DNAH10: variants seen among roughly 807,000 people sequenced by gnomAD.
The protein encoded by DNAH10 is axonemal beta dynein heavy chain 10.
DNAH10 carries 348 observed loss-of-function variants against 506.6 expected under a neutral mutation model. That is an observed-to-expected ratio of 0.69 (90% confidence interval 0.63 to 0.75). The LOEUF (loss-of-function observed/expected upper bound fraction) is 0.75. DNAH10 is among the 30% of genes least tolerant of loss of function. The probability of loss-of-function intolerance (pLI) is 0.00; values close to 1 mark genes in which losing one functional copy is unlikely to be tolerated. For missense variants in DNAH10, 5,179 were observed against 5,787.1 expected (o/e 0.89, Z 3.41); for synonymous variants, 2,059 against 2,198.6 (o/e 0.94, Z 1.78).
In DNAH10 at chr12:123,863,921, A is replaced by G. The variant is rs142502759; in HGVS notation, c.6909-674A>G. Among the ~76,000 whole-genome samples, 133 of 152,286 alleles carry G rather than the reference A, an allele frequency of 8.7e-4. 1 individual carries two copies. The highest frequency in any genetic ancestry group is 3.1e-3 in the African/African-American group (128 of 41,556). Reference sequence around the variant, plus strand: ...TAAATAGCAATTGATACTCAGCCTCAGATGTAAGAGAAGAATGAGGTAGGA... The same window carrying G: ...TAAATAGCAATTGATACTCAGCCTCGGATGTAAGAGAAGAATGAGGTAGGA... On this transcript the variant is annotated intron_variant, in intron 39 of 78. Coordinates refer to ENST00000673944, the MANE Select transcript of DNAH10 (RefSeq NM_001372106.1).
intron 54 of DNAH10, among the ~76,000 whole-genome samples, chr12:123,895,320 G>C (rs1953170692): frequency 6.6e-6 from 1 of 152,200 alleles, no homozygotes; most frequent in Admixed American, 6.5e-5. Flanking sequence ...GACCTAACTT[G>C]AGCAGATTTA....
chr12:123,787,941 G>T lies in DNAH10; in HGVS notation c.1559G>T (p.Arg520Leu). 1 of 1,601,804 alleles carries T rather than the reference G, an allele frequency of 6.2e-7. No individual in the cohort carries two copies. The highest frequency in any genetic ancestry group is 8.5e-7 in the Non-Finnish European group (1 of 1,174,434). The change falls in exon 10 of 79, where the codon CGG becomes CTG. Residue 520 changes from arginine (R) to leucine (L), a missense_variant. By Grantham distance (102) the Arg-to-Leu change is moderately radical. Coordinates refer to ENST00000673944, the MANE Select transcript of DNAH10 (RefSeq NM_001372106.1). This position sits in a 1 kb window ranked among gnomAD's most constrained non-coding sequence, Gnocchi z 4.6. The part of the protein sequence containing the change: ...REDRWEFDRK[R>L]LFERTDYMAT... Reference sequence around the variant, plus strand: ...GATCGGTGGGAGTTTGACCGGAAGCGGCTGTTCGAGAGGACGGATTATATG... The same window carrying T: ...GATCGGTGGGAGTTTGACCGGAAGCTGCTGTTCGAGAGGACGGATTATATG...
intron 69 of DNAH10, chr12:123,927,056 T>C (rs1240346580): frequency 2.2e-5 from 12 of 545,614 alleles, no homozygotes. Context: ...TTTTCTTTTC[T>C]TTTTGAGACA....
Position 123,841,468 on chromosome 12 carries a change from A to C in DNAH10, c.5283A>C (p.Ala1761=). The change falls in exon 30 of 79, where the codon GCA becomes GCC. Residue 1761 remains alanine, a synonymous_variant. Transcript: ENST00000673944. ...GGCGCGTGGAGGACTGGATGACGGC[A>C]GTTTTGAATGAGATGAGAAGAACTA... is the stretch of plus-strand genomic sequence containing the variant. The part of the protein sequence containing the change: ...AEGRVEDWMT[A]VLNEMRRTNR... The C allele has an allele frequency of 8.1e-6, 13 of 1,614,000 alleles. No individual in the cohort carries two copies. Among genetic ancestry groups the C allele is most frequent in the Non-Finnish European group, 1.1e-5 (13 of 1,179,894 alleles).
At chr12:123,781,832 A>G (rs980950035) in intron 6 of DNAH10, among the ~76,000 whole-genome samples, 1 of 152,142 alleles carries the variant, frequency 6.6e-6, no homozygotes, top group Non-Finnish European at 1.5e-5. Context: ...GTGATGAGAA[A>G]CTGAATGTTC....
chr12:123,931,785 G>A lies in DNAH10; in HGVS notation c.13066G>A (p.Glu4356Lys). The A allele has an allele frequency of 4.3e-6, 7 of 1,614,036 alleles. No individual in the cohort carries two copies. Among genetic ancestry groups the A allele is most frequent in the Non-Finnish European group, 5.9e-6 (7 of 1,179,896 alleles). Reference sequence around the variant, plus strand: ...CCCCACTTCGGTGGTGCTCCTGCAGGAACTGGAACGCTTCAACAAGCTTGT... The same window carrying A: ...CCCCACTTCGGTGGTGCTCCTGCAGAAACTGGAACGCTTCAACAAGCTTGT... Reference protein sequence around the residue: ...LSPTSVVLLQELERFNKLVVR... With the variant: ...LSPTSVVLLQKLERFNKLVVR... Residue 4356 changes from glutamate (E) to lysine (K), a missense_variant, in exon 75 of 79, where the codon GAA (glutamate) becomes AAA (lysine). Around this residue, in one of 3 missense-constraint regions of DNAH10, gnomAD observed 4,844 missense variants for 5,430.5 expected, o/e 0.89. Coordinates refer to ENST00000673944, the MANE Select transcript of DNAH10 (RefSeq NM_001372106.1).
chr12:123,766,908 C>CT (rs374930458), intron 1 of DNAH10, among the ~76,000 whole-genome samples: 2,917 of 137,834 alleles, frequency 0.021, 82 homozygotes, highest in African/African-American at 0.06. Flanking sequence ...TTTCTTTTTT[C>CT]TTTTTTTTTT....
chr12:123,818,873 G>T, intron 21 of DNAH10, 77 bp from the exon 22 acceptor site: 1 of 983,536 alleles, frequency 1.0e-6, no homozygotes, highest in Non-Finnish European at 1.6e-6. Context: ...TCCCTGGGAG[G>T]TAACTTTGAC....
intron 77 of DNAH10, chr12:123,934,388 C>T (rs1026646633): frequency 1.8e-5 from 12 of 663,078 alleles, no homozygotes; most frequent in Admixed American, 1.8e-4. Flanking sequence ...CCGCCCCACA[C>T]CCATTTCTCT....
chr12:123,816,333 C>T (rs536365154), intron 21 of DNAH10, among the ~76,000 whole-genome samples: 1 of 152,254 alleles, frequency 6.6e-6, no homozygotes, highest in South Asian at 2.1e-4. Flanking sequence ...ATCTTTGCCA[C>T]CCTTGGGGAG....
Position 123,909,149 on chromosome 12 carries a change from A to G in DNAH10, c.9816-112A>G. On this transcript the variant is annotated intron_variant, in intron 57 of 78. Transcript: ENST00000673944. This position sits in a 1 kb window ranked among gnomAD's most constrained non-coding sequence, Gnocchi z 5.4. ...CTGGCTTCTTTCGTTTGCTTGCAGC[A>G]GTAGCTCCAGGGACTGTCTTTTGGT... is the stretch of plus-strand genomic sequence containing the variant. 7.2e-7 allele frequency: 1 copy of G among 1,387,328 alleles called. No individual in the cohort carries two copies. Among genetic ancestry groups the G allele is most frequent in the Non-Finnish European group, 9.8e-7 (1 of 1,015,666 alleles). The allele number at this position is 1,387,328 out of a possible 1,614,324, so 85.9% of individuals were successfully genotyped here.
Position 123,919,733 on chromosome 12 carries a change from T to C in DNAH10, c.11506+784T>C, listed in dbSNP as rs1021537080. Among the ~76,000 whole-genome samples, 2 of 152,238 alleles carry C rather than the reference T, an allele frequency of 1.3e-5. No homozygotes were observed. The highest frequency in any genetic ancestry group is 1.3e-4 in the Admixed American group (2 of 15,284). ...ATACGGTGTGTGACTTCATGACTGG[T>C]ATCTTTCACTCCACTCCGTGACCTC... On this transcript the variant is annotated intron_variant, in intron 65 of 78. Transcript: ENST00000673944. The surrounding 1 kb of genome is among the most constrained non-coding windows in gnomAD (Gnocchi z 4.9).
chr12:123,859,203 G>A lies in DNAH10; in HGVS notation c.6684G>A (p.Met2228Ile). ...FETMLTRHTTMVVGPTRGGKS... is the reference protein window; with the variant it reads ...FETMLTRHTTIVVGPTRGGKS... ...CCATGTTAACCCGCCACACGACGAT[G>A]GTGGTGGGGCCCACCAGAGGGGGCA... The change falls in exon 38 of 79, where the codon ATG (methionine) becomes ATA (isoleucine). Residue 2228 changes from methionine to isoleucine, a missense_variant. By Grantham distance (10) the Met-to-Ile change is conservative. Around this residue, in one of 3 missense-constraint regions of DNAH10, gnomAD observed 4,844 missense variants for 5,430.5 expected, o/e 0.89. Transcript: ENST00000673944. 6.2e-7 allele frequency: 1 copy of A among 1,612,266 alleles called. No individual in the cohort carries two copies. Among genetic ancestry groups the A allele is most frequent in the Middle Eastern group, 1.7e-4 (1 of 6,058 alleles).
intron 18 of DNAH10, among the ~76,000 whole-genome samples, chr12:123,805,671 G>A (rs968058254): frequency 2.0e-5 from 3 of 152,030 alleles, no homozygotes; most frequent in African/African-American, 7.2e-5. Context: ...GTCAAGAGTA[G>A]TGTTCATTTT....
chr12:123,785,637 A>C lies in DNAH10; in HGVS notation c.1231-109A>C, dbSNP rs1165074818. ...CTGGGCACCAGACTTGGTCTCAAGGAAAAAAAAAAAAAAAAAAGAGTGAAA... is the reference window on the plus strand; with the variant it reads ...CTGGGCACCAGACTTGGTCTCAAGGCAAAAAAAAAAAAAAAAAGAGTGAAA... On this transcript the variant is annotated intron_variant, in intron 8 of 78. Coordinates refer to ENST00000673944, the MANE Select transcript of DNAH10 (RefSeq NM_001372106.1). The surrounding 1 kb of genome is among the most constrained non-coding windows in gnomAD (Gnocchi z 4.1). 4.6e-5 allele frequency: 1 copy of C among 21,734 alleles called. No homozygotes were observed. The highest frequency in any genetic ancestry group is 6.5e-5 in the Non-Finnish European group (1 of 15,350). 1.3% of individuals were successfully genotyped at this position (21,734 alleles called of 1,614,324 possible). A position where few individuals can be genotyped will look rare whatever the true frequency, so the allele number is the denominator to read the frequency against.
intron 7 of DNAH10, 125 bp downstream of exon 7, chr12:123,783,389 C>T: frequency 8.5e-7 from 1 of 1,172,970 alleles, no homozygotes; most frequent in Non-Finnish European, 1.2e-6. Flanking sequence ...CTTCCTTAAG[C>T]CATCAAAATA....
At chr12:123,831,766 TGTGGTGGC>T (rs1960579124) in intron 26 of DNAH10, among the ~76,000 whole-genome samples, 3 of 150,552 alleles carry the variant, frequency 2.0e-5, no homozygotes, top group Admixed American at 1.3e-4. Flanking sequence ...TGGTGCCGGG[TGTGGTGGC>T]GGGTGCCTGT....
Position 123,772,822 on chromosome 12 carries a change from C to T in DNAH10, c.397-12C>T, listed in dbSNP as rs759946448. 2.5e-6 allele frequency: 4 copies of T among 1,582,370 alleles called. No individual in the cohort carries two copies. Among genetic ancestry groups the T allele is most frequent in the Admixed American group, 1.9e-5 (1 of 53,976 alleles). On this transcript the variant is annotated splice_polypyrimidine_tract_variant and intron_variant, in intron 3 of 78. Transcript: ENST00000673944. ...TCACAAGAATGAATGGTTTTTGTTCCCCATGTTTCAGAGAACTGCGAAGCA... is the reference window on the plus strand; with the variant it reads ...TCACAAGAATGAATGGTTTTTGTTCTCCATGTTTCAGAGAACTGCGAAGCA...
At chr12:123,934,897 C>A in intron 78 of DNAH10, 131 bp downstream of exon 78, 1 of 1,247,960 alleles carries the variant, frequency 8.0e-7, no homozygotes, top group Non-Finnish European at 1.1e-6. Context: ...TGGGGAGAGT[C>A]TTGGAGCCGT....
Sources: gnomAD v4.1 joint callset for allele counts (sites outside exome capture counted in the v4.1 genomes callset) on GRCh38, gnomAD v4.1.1 for gene constraint, gnomAD v4.1.1 regional missense constraint, Gnocchi (gnomAD v3.1) non-coding constraint, MANE v1.5 for transcripts, NCBI Gene and HGNC (gene_info 2026-07-23, HGNC 2026-07-21) for gene names.